NCOA2: variants seen among roughly 807,000 people sequenced by gnomAD.
The protein encoded by NCOA2 is class E basic helix-loop-helix protein 75.
A neutral mutation model predicts 145.1 loss-of-function variants in NCOA2; 21 were observed. The ratio of observed to expected loss-of-function variants is 0.14; its 90% confidence interval spans 0.10 to 0.21. The LOEUF (loss-of-function observed/expected upper bound fraction) is 0.21. NCOA2 is among the 10% of genes least tolerant of loss of function. The pLI is 1.00. For synonymous variants in NCOA2, 619 were observed against 637.5 expected, an observed-to-expected ratio of 0.97 and a Z score of 0.44; for missense variants, 1,472 against 1,837.6, an observed-to-expected ratio of 0.80 and a Z score of 3.64.
intron 1 of NCOA2, among the ~76,000 whole-genome samples, chr8:70,313,209 A>C (rs1805272965): frequency 1.3e-5 from 2 of 152,202 alleles, no homozygotes; most frequent in Non-Finnish European, 2.9e-5. Context: ...AAGGCTAATT[A>C]GCTAATCTGA....
intron 22 of NCOA2, among the ~76,000 whole-genome samples, chr8:70,118,873 A>G (rs1306235103): frequency 1.3e-5 from 2 of 152,030 alleles, no homozygotes; most frequent in African/African-American, 2.4e-5. Context: ...TTTTTAGTAG[A>G]GGTGAGGTTT....
chr8:70,332,208 A>C (rs936442196), intron 1 of NCOA2, among the ~76,000 whole-genome samples: 4 of 152,134 alleles, frequency 2.6e-5, no homozygotes, highest in African/African-American at 9.7e-5. Context: ...AATCTCTAGG[A>C]ATTTTGAAAA....
At position 70,121,340 on chromosome 8, in the gene NCOA2, CAGG is replaced by C; in HGVS notation, c.4342_4344del (p.Pro1448del). 1 of 1,613,100 alleles carries C rather than the reference CAGG, an allele frequency of 6.2e-7. No homozygotes were observed. The highest frequency in any genetic ancestry group is 1.1e-5 in the South Asian group (1 of 90,764). On this transcript the variant is annotated inframe_deletion, in exon 22 of 23. Coordinates refer to ENST00000452400, the MANE Select transcript of NCOA2 (RefSeq NM_006540.4). ...CCCTCCTGCTTAATCATATCCATTC[CAGG>C]CAGCTGGTTTGGGAACAGGTTGCCT...
chr8:70,445,602 A>G, the NCOA2 span, among the ~76,000 whole-genome samples: 623 of 151,894 alleles, frequency 4.1e-3, 6 homozygotes, highest in African/African-American at 0.014. Flanking sequence ...AAGACCCCCC[A>G]CGCCTCTGGC....
the NCOA2 span, among the ~76,000 whole-genome samples, chr8:70,452,245 G>C: frequency 6.6e-6 from 1 of 152,182 alleles, no homozygotes; most frequent in Non-Finnish European, 1.5e-5. Flanking sequence ...AAAGTGCTGG[G>C]ATTACAGGTG....
At chr8:70,145,252 G>C (rs1166969121) in intron 12 of NCOA2, among the ~76,000 whole-genome samples, 1 of 152,138 alleles carries the variant, frequency 6.6e-6, no homozygotes, top group Non-Finnish European at 1.5e-5. Flanking sequence ...CTGCCTCCGA[G>C]GTTCAAGAGA....
At chr8:70,137,198 C>T (rs1809828976) in intron 15 of NCOA2, among the ~76,000 whole-genome samples, 1 of 152,212 alleles carries the variant, frequency 6.6e-6, no homozygotes, top group African/African-American at 2.4e-5. Context: ...CGCCACCACA[C>T]CCGGCTAAGT....
chr8:70,141,415 A>G lies in NCOA2; in HGVS notation c.2813-16T>C. The G allele has an allele frequency of 6.2e-7, 1 of 1,606,614 alleles. No individual in the cohort carries two copies. The highest frequency in any genetic ancestry group is 8.5e-7 in the Non-Finnish European group (1 of 1,174,148). ...CCAATCATTCCTGCATGCAAGCCAA[A>G]GAAAACTGAGAGATGCAGTAACTGA... On this transcript the variant is annotated splice_polypyrimidine_tract_variant and intron_variant, in intron 13 of 22. Transcript: ENST00000452400.
chr8:70,245,083 A>G (rs1295674671), intron 2 of NCOA2: 2 of 152,128 alleles, frequency 1.3e-5, no homozygotes, highest in African/African-American at 4.8e-5. Flanking sequence ...TGATGTAAAT[A>G]CAAATACCAT....
At chr8:70,417,881 G>A in the NCOA2 span, among the ~76,000 whole-genome samples, 1 of 152,188 alleles carries the variant, frequency 6.6e-6, no homozygotes, top group Non-Finnish European at 1.5e-5. Context: ...CATTCCAGCA[G>A]TACATTAACT....
intron 2 of NCOA2, among the ~76,000 whole-genome samples, chr8:70,231,156 G>A (rs1459808297): frequency 6.6e-6 from 1 of 152,168 alleles, no homozygotes; most frequent in Non-Finnish European, 1.5e-5. Flanking sequence ...CAAGAAGACT[G>A]TATTAATTTA....
chr8:70,127,954 C>G (rs1202526083), intron 18 of NCOA2, among the ~76,000 whole-genome samples: 2 of 152,218 alleles, frequency 1.3e-5, no homozygotes, highest in Non-Finnish European at 2.9e-5. Context: ...AGGCATGGTG[C>G]TGCAGTGCTC....
intron 4 of NCOA2, among the ~76,000 whole-genome samples, chr8:70,200,077 CATATT>C (rs1338126016): frequency 6.6e-6 from 1 of 152,096 alleles, no homozygotes; most frequent in Non-Finnish European, 1.5e-5. Context: ...TATTGTTTTA[CATATT>C]ATATAATAAG....
chr8:70,159,222 T>TATATATATATATG (rs1812619153), intron 10 of NCOA2, among the ~76,000 whole-genome samples: 1 of 44,488 alleles, frequency 2.2e-5, no homozygotes, highest in African/African-American at 6.7e-5. Flanking sequence ...CAGTATAACA[T>TATATATATATATG]TATATATATA....
chr8:70,117,421 G>A (rs1434601458), intron 22 of NCOA2, among the ~76,000 whole-genome samples: 4 of 152,254 alleles, frequency 2.6e-5, no homozygotes, highest in Non-Finnish European at 4.4e-5. Flanking sequence ...CTCGCTCTGG[G>A]AGGTTCCTCC....
chr8:70,138,645 A>G (rs961354476), intron 14 of NCOA2, among the ~76,000 whole-genome samples: 6 of 152,256 alleles, frequency 3.9e-5, no homozygotes, highest in African/African-American at 9.6e-5. Context: ...TGAAATTGAG[A>G]AACAGAAAAA....
At chr8:70,324,462 C>T (rs1368591320) in intron 1 of NCOA2, among the ~76,000 whole-genome samples, 1 of 152,136 alleles carries the variant, frequency 6.6e-6, no homozygotes, top group Non-Finnish European at 1.5e-5. Flanking sequence ...CTCAGCCTCC[C>T]AGGTTGCTGG....
chr8:70,322,905 A>G (rs1404352798), intron 1 of NCOA2, among the ~76,000 whole-genome samples: 2 of 152,150 alleles, frequency 1.3e-5, no homozygotes, highest in South Asian at 2.1e-4. Context: ...TGTTATCAAG[A>G]TATTTTTAGA....
At chr8:70,204,384 C>G (rs1818227447) in intron 4 of NCOA2, among the ~76,000 whole-genome samples, 1 of 152,150 alleles carries the variant, frequency 6.6e-6, no homozygotes, top group Non-Finnish European at 1.5e-5. Flanking sequence ...AGGGCTCCAG[C>G]TATGCTTATC....
Sources: allele counts gnomAD v4.1 joint callset (sites outside exome capture counted in the v4.1 genomes callset), GRCh38; gene constraint gnomAD v4.1.1; transcripts MANE v1.5; gene names NCBI Gene and HGNC (gene_info 2026-07-23, HGNC 2026-07-21).